Variants in GATAD2A observed in about 807,000 individuals in gnomAD.
GATAD2A encodes transcriptional repressor p66-alpha.
GATAD2A carries 12 observed loss-of-function variants against 68.5 expected under a neutral mutation model. The observed-to-expected ratio is 0.18, with a 90% confidence interval of 0.11 to 0.28. GATAD2A has a LOEUF of 0.28. Ranked by LOEUF, GATAD2A falls within the 10% of genes least tolerant of loss-of-function variation. The pLI is 1.00. For synonymous variants in GATAD2A, 410 were observed against 375.3 expected (o/e 1.09, Z -1.07); for missense variants, 755 against 868.5 (o/e 0.87, Z 1.64).
chr19:19,465,985 AG>A (rs2057835741), intron 2 of GATAD2A, among the ~76,000 whole-genome samples: 1 of 152,182 alleles, frequency 6.6e-6, no homozygotes, highest in South Asian at 2.1e-4. Context: ...TTTCAGATCT[AG>A]AGGTCAGAGG....
rs185420354 is a variant in GATAD2A, at chr19:19,412,337, A to T, written c.-7+6318A>T. ...CACCCGGCTAATTTTTTGTATATTT[A>T]GTAGAGACGGGGTTTCACCATGTTG... On this transcript the variant is annotated intron_variant, in intron 1 of 11. Coordinates refer to ENST00000683918, the MANE Select transcript of GATAD2A (RefSeq NM_001384528.1). Among the ~76,000 whole-genome samples the T allele has an allele frequency of 5.6e-3, 851 of 151,598 alleles. 4 individuals carry two copies. Among genetic ancestry groups the T allele is most frequent in the African/African-American group, 0.019 (804 of 41,334 alleles).
chr19:19,391,088 T>C (rs112732190), intron 1 of GATAD2A, among the ~76,000 whole-genome samples: 129 of 152,286 alleles, frequency 8.5e-4, no homozygotes, highest in Non-Finnish European at 1.6e-3. Context: ...ATTTTTTTCT[T>C]GAGAGGATTT....
chr19:19,420,031 GAC>G (rs1482220279), intron 1 of GATAD2A, among the ~76,000 whole-genome samples: 5 of 89,880 alleles, frequency 5.6e-5, no homozygotes, highest in Admixed American at 1.3e-4. Flanking sequence ...TTTTTTTTGA[GAC>G]AGAGTCTCAC....
intron 1 of GATAD2A, among the ~76,000 whole-genome samples, chr19:19,395,543 C>T (rs1331379483): frequency 6.6e-6 from 1 of 152,146 alleles, no homozygotes; most frequent in African/African-American, 2.4e-5. Context: ...TGGACCTGTA[C>T]TTGCCAGTTT....
chr19:19,453,010 G>A (rs1233525226), intron 1 of GATAD2A, among the ~76,000 whole-genome samples: 1 of 152,186 alleles, frequency 6.6e-6, no homozygotes, highest in Non-Finnish European at 1.5e-5. Context: ...CGGGAAGCCC[G>A]TGCCCTGTGA....
chr19:19,410,325 C>G (rs887946854), intron 1 of GATAD2A, among the ~76,000 whole-genome samples: 16 of 52,718 alleles, frequency 3.0e-4, no homozygotes, highest in Non-Finnish European at 5.3e-4. Flanking sequence ...AGTGGGAGTT[C>G]TTGGGGCAGG....
chr19:19,465,716 C>G, intron 2 of GATAD2A, 102 bp downstream of exon 2: 2 of 1,372,634 alleles, frequency 1.5e-6, no homozygotes, highest in Non-Finnish European at 2.0e-6. Flanking sequence ...AACAGCTTGG[C>G]GGGGTTGTGG....
At chr19:19,417,349 A>C (rs2051774512) in intron 1 of GATAD2A, among the ~76,000 whole-genome samples, 1 of 152,068 alleles carries the variant, frequency 6.6e-6, no homozygotes, top group African/African-American at 2.4e-5. Context: ...CCACACTTAG[A>C]ATTCTTACTA....
intron 2 of GATAD2A, among the ~76,000 whole-genome samples, chr19:19,486,671 G>C (rs1484751438): frequency 6.6e-6 from 1 of 152,196 alleles, no homozygotes; most frequent in Admixed American, 6.5e-5. Context: ...GGGCATGCAG[G>C]GTGGCTATGA....
chr19:19,407,392 C>T (rs1761269140), intron 1 of GATAD2A, among the ~76,000 whole-genome samples: 1 of 152,218 alleles, frequency 6.6e-6, no homozygotes, highest in South Asian at 2.1e-4. Flanking sequence ...CCTGCACAGA[C>T]ATATTCAGTG....
upstream of GATAD2A, among the ~76,000 whole-genome samples, chr19:19,400,822 A>G (rs578206775): frequency 5.3e-5 from 8 of 152,216 alleles, no homozygotes; most frequent in South Asian, 1.7e-3. Context: ...AATGAAAACA[A>G]TTTTAAACTT....
At chr19:19,439,556 A>T (rs1200779865) in intron 1 of GATAD2A, among the ~76,000 whole-genome samples, 1 of 152,142 alleles carries the variant, frequency 6.6e-6, no homozygotes, top group Non-Finnish European at 1.5e-5. Flanking sequence ...CATCTAGCAA[A>T]AGGACAAGTG....
chr19:19,424,094 T>A (rs1414971741), intron 1 of GATAD2A, among the ~76,000 whole-genome samples: 1 of 151,994 alleles, frequency 6.6e-6, no homozygotes, highest in Non-Finnish European at 1.5e-5. Context: ...CCAGCTAGTT[T>A]TTAAATTTTT....
chr19:19,485,111 C>T (rs2059346037), intron 2 of GATAD2A, among the ~76,000 whole-genome samples: 1 of 152,220 alleles, frequency 6.6e-6, no homozygotes, highest in South Asian at 2.1e-4. Flanking sequence ...GTTGGTCCCT[C>T]TGTCAGGGGG....
chr19:19,450,319 G>A (rs2056235901), intron 1 of GATAD2A, among the ~76,000 whole-genome samples: 1 of 152,204 alleles, frequency 6.6e-6, no homozygotes, highest in Admixed American at 6.5e-5. Context: ...CTGTTAGGAG[G>A]CGGTAGATGC....
At chr19:19,440,129 T>A (rs1177952619) in intron 1 of GATAD2A, 2 of 411,986 alleles carry the variant, frequency 4.9e-6, no homozygotes, top group Non-Finnish European at 9.6e-6. Context: ...TCATTTGTGG[T>A]GGTGATGGGA....
chr19:19,448,480 AGTTGTGTTGT>A (rs746137944), intron 1 of GATAD2A, among the ~76,000 whole-genome samples: 60 of 152,238 alleles, frequency 3.9e-4, no homozygotes, highest in Admixed American at 9.8e-4. Flanking sequence ...AGCTATTGGT[AGTTGTGTTGT>A]GTTGTGTTGT....
chr19:19,504,289 T>C (rs1325235623), intron 11 of GATAD2A, among the ~76,000 whole-genome samples: 1 of 152,228 alleles, frequency 6.6e-6, no homozygotes, highest in Non-Finnish European at 1.5e-5. Context: ...TTTCCAATTA[T>C]AAAAATGATA....
rs1003424535 is a variant in GATAD2A, at chr19:19,507,059, T to C, written c.*1585T>C. 1 of 152,138 alleles carries C rather than the reference T, an allele frequency of 6.6e-6. No individual in the cohort carries two copies. Among genetic ancestry groups the C allele is most frequent in the South Asian group, 2.1e-4 (1 of 4,830 alleles). The allele number at this position is 152,138 out of a possible 1,614,324, so 9.4% of individuals were successfully genotyped here. A position where few individuals can be genotyped will look rare whatever the true frequency, so the allele number is the denominator to read the frequency against. On this transcript the variant is annotated 3_prime_UTR_variant, in exon 12 of 12. Coordinates refer to ENST00000683918, the MANE Select transcript of GATAD2A (RefSeq NM_001384528.1). ...TAGAAGACCTAGTTTTGGAAAACAT[T>C]ATCTAATTTTTTGTTGTGCAAATCC...
Sources: allele counts gnomAD v4.1 joint callset (sites outside exome capture counted in the v4.1 genomes callset), GRCh38; gene constraint gnomAD v4.1.1; transcripts MANE v1.5; gene names NCBI Gene and HGNC (gene_info 2026-07-23, HGNC 2026-07-21).